The following WDFY1 variants were observed in gnomAD, a reference collection of about 807,000 sequenced individuals.
WDFY1 encodes WD repeat and FYVE domain-containing protein 1.
A neutral mutation model predicts 56.4 loss-of-function variants in WDFY1; 32 were observed. The ratio of observed to expected loss-of-function variants is 0.57; its 90% confidence interval spans 0.43 to 0.76. The LOEUF is 0.76. Ranked by LOEUF, WDFY1 falls within the 30% of genes least tolerant of loss-of-function variation. The pLI is 0.00. For missense variants in WDFY1, 480 were observed against 545.7 expected (o/e 0.88, Z 1.20); for synonymous variants, 192 against 197.3 (o/e 0.97, Z 0.23).
intron 3 of WDFY1, among the ~76,000 whole-genome samples, chr2:223,907,056 C>A (rs565046109): frequency 1.3e-5 from 2 of 151,974 alleles, no homozygotes; most frequent in East Asian, 3.9e-4. Flanking sequence ...CTCACTGTAA[C>A]CTCTGCCTCC....
At position 223,886,446 on chromosome 2, in the gene WDFY1, C is replaced by G. The variant is rs192410708; in HGVS notation, c.832-1697G>C. On this transcript the variant is annotated intron_variant, in intron 8 of 11. Transcript: ENST00000233055. ...AAACCTGCTAAAAGCCTGTTTAGGCCGGGCGCAGTGGCTCACACCTGTAAT... is the reference window on the plus strand; with the variant it reads ...AAACCTGCTAAAAGCCTGTTTAGGCGGGGCGCAGTGGCTCACACCTGTAAT... Among the ~76,000 whole-genome samples, 3 of 152,128 alleles carry G rather than the reference C, an allele frequency of 2.0e-5. No individual in the cohort carries two copies. The East Asian group carries it at 5.8e-4, about 29-fold the overall frequency.
intron 11 of WDFY1, 131 bp from the exon 12 acceptor site, chr2:223,878,861 T>C (rs1024318713): frequency 8.5e-6 from 10 of 1,170,520 alleles, no homozygotes; most frequent in South Asian, 1.5e-5. Context: ...CATTCTCCTC[T>C]TTCATAACAC....
intron 11 of WDFY1, 80 bp from the exon 12 acceptor site, chr2:223,878,810 G>A (rs1258625570): frequency 1.8e-5 from 27 of 1,515,840 alleles, no homozygotes; most frequent in Admixed American, 3.6e-5. Flanking sequence ...ACAAACAAAC[G>A]ACTGTTAAAC....
intron 1 of WDFY1, among the ~76,000 whole-genome samples, chr2:223,924,066 C>T (rs1453006319): frequency 1.3e-5 from 2 of 152,162 alleles, no homozygotes; most frequent in African/African-American, 2.4e-5. Context: ...ACCTTAGAAA[C>T]GTGTTCATTC....
chr2:223,886,661 T>G (rs1228638687), intron 8 of WDFY1, among the ~76,000 whole-genome samples: 2 of 128,088 alleles, frequency 1.6e-5, no homozygotes, highest in East Asian at 4.4e-4. Flanking sequence ...AACTGGGAGG[T>G]GGAGGTTGCA....
At chr2:223,906,850 AC>A (rs1693604520) in intron 3 of WDFY1, among the ~76,000 whole-genome samples, 1 of 151,900 alleles carries the variant, frequency 6.6e-6, no homozygotes, top group African/African-American at 2.4e-5. Context: ...ATACTTTATA[AC>A]TTGGAAAAGA....
chr2:223,944,428 G>A (rs1689368177), intron 1 of WDFY1, among the ~76,000 whole-genome samples: 1 of 152,290 alleles, frequency 6.6e-6, no homozygotes, highest in Non-Finnish European at 1.5e-5. Context: ...CCTGGTTGGA[G>A]GAGCGCGGTG....
intron 10 of WDFY1, 89 bp from the exon 11 acceptor site, chr2:223,880,321 A>G (rs1693044091): frequency 8.4e-7 from 1 of 1,192,590 alleles, no homozygotes; most frequent in Non-Finnish European, 1.2e-6. Flanking sequence ...AAATAAGCAA[A>G]TATGGCCAGG....
chr2:223,914,408 G>GT (rs1052869595), intron 2 of WDFY1, among the ~76,000 whole-genome samples: 55 of 151,586 alleles, frequency 3.6e-4, no homozygotes, highest in Admixed American at 4.0e-4. Flanking sequence ...TTAATAAATA[G>GT]TTTTTTTTTC....
intron 1 of WDFY1, among the ~76,000 whole-genome samples, chr2:223,921,472 A>C (rs549172958): frequency 2.6e-5 from 4 of 152,348 alleles, no homozygotes; most frequent in African/African-American, 9.6e-5. Context: ...AAAAAAATAG[A>C]GAGGAAGAAC....
Position 223,878,423 on chromosome 2 carries a change from TG to T in WDFY1, c.*247del. ...TCTTTCACTACACATTAGCTGTTCA[TG>T]GGGAAGTTTTGCTGAAGTAATTCCA... On this transcript the variant is annotated 3_prime_UTR_variant, in exon 12 of 12. Transcript: ENST00000233055. 4.9e-6 allele frequency: 2 copies of T among 410,318 alleles called. No homozygotes were observed. Among genetic ancestry groups the T allele is most frequent in the South Asian group, 8.4e-5 (2 of 23,932 alleles). 25.4% of individuals were successfully genotyped at this position (410,318 alleles called of 1,614,324 possible).
intron 1 of WDFY1, among the ~76,000 whole-genome samples, chr2:223,919,293 C>A (rs566581044): frequency 6.6e-6 from 1 of 152,176 alleles, no homozygotes; most frequent in African/African-American, 2.4e-5. Context: ...TCACTGCAAC[C>A]GCCACCTCCC....
intron 1 of WDFY1, 57 bp from the exon 2 acceptor site, chr2:223,918,067 T>C (rs1367231517): frequency 5.1e-6 from 8 of 1,574,542 alleles, no homozygotes; most frequent in South Asian, 3.5e-5. Flanking sequence ...ATCTTTTGTG[T>C]TCCATGAGAA....
At chr2:223,884,859 C>CTTCAT in intron 8 of WDFY1, 110 bp from the exon 9 acceptor site, 1 of 689,260 alleles carries the variant, frequency 1.5e-6, no homozygotes, top group Non-Finnish European at 2.2e-6. Flanking sequence ...TTCTTTTCTT[C>CTTCAT]TTTTTTTTTT....
At chr2:223,944,305 G>C (rs979661669) in intron 1 of WDFY1, among the ~76,000 whole-genome samples, 1 of 152,252 alleles carries the variant, frequency 6.6e-6, no homozygotes, top group African/African-American at 2.4e-5. Context: ...GAGACGATTT[G>C]GAACTGACCC....
chr2:223,942,253 T>C (rs1313159648), intron 1 of WDFY1, among the ~76,000 whole-genome samples: 1 of 151,772 alleles, frequency 6.6e-6, no homozygotes, highest in Non-Finnish European at 1.5e-5. Flanking sequence ...GGAGTCTGGC[T>C]CTATCGCCCA....
At chr2:223,936,555 G>A (rs978929649) in intron 1 of WDFY1, among the ~76,000 whole-genome samples, 1 of 152,158 alleles carries the variant, frequency 6.6e-6, no homozygotes, top group Non-Finnish European at 1.5e-5. Flanking sequence ...ACAAACACTA[G>A]GGTAATTATG....
intron 1 of WDFY1, among the ~76,000 whole-genome samples, chr2:223,935,986 G>A (rs1359650605): frequency 6.7e-6 from 1 of 149,800 alleles, no homozygotes; most frequent in South Asian, 2.1e-4. Flanking sequence ...GGACACAAAA[G>A]AACCATAATA....
At chr2:223,894,513 C>T (rs1399390919) in intron 7 of WDFY1, 174 bp from the exon 8 acceptor site, 1 of 623,660 alleles carries the variant, frequency 1.6e-6, no homozygotes, top group Non-Finnish European at 2.9e-6. Flanking sequence ...TTTTATAACT[C>T]ATAATACAGA....
Sources: allele counts gnomAD v4.1 joint callset (sites outside exome capture counted in the v4.1 genomes callset), GRCh38; gene constraint gnomAD v4.1.1; transcripts MANE v1.5; gene names NCBI Gene and HGNC (gene_info 2026-07-23, HGNC 2026-07-21).